The following AKT3 variants were observed in gnomAD, a reference collection of about 807,000 sequenced individuals.
The protein encoded by AKT3 is AKT serine/threonine kinase 3.
In AKT3, 15 loss-of-function variants were observed where a neutral mutation model predicts 65.3. The observed-to-expected ratio is 0.23, with a 90% CI of 0.15 to 0.35. The LOEUF (loss-of-function observed/expected upper bound fraction) is 0.35, where lower values mean the gene tolerates loss of function less well. Ranked by LOEUF, AKT3 falls within the 10% of genes least tolerant of loss-of-function variation. AKT3 has a pLI of 1.00. For missense variants in AKT3, 243 were observed against 576.5 expected (o/e 0.42, Z 5.92); for synonymous variants, 206 against 183.8 (o/e 1.12, Z -0.98).
chr1:243,697,025 G>A (rs1345436429), intron 2 of AKT3, among the ~76,000 whole-genome samples: 1 of 151,870 alleles, frequency 6.6e-6, no homozygotes, highest in Non-Finnish European at 1.5e-5. Context: ...CTCTGAATCA[G>A]CAATTCTTAA....
At chr1:243,515,203 A>G (rs1413145089) in intron 12 of AKT3, among the ~76,000 whole-genome samples, 1 of 152,248 alleles carries the variant, frequency 6.6e-6, no homozygotes, top group African/African-American at 2.4e-5. Context: ...CAATGAACAC[A>G]GGGCCTGCTC....
chr1:243,720,952 G>T (rs1008576721), intron 2 of AKT3, among the ~76,000 whole-genome samples: 7 of 152,056 alleles, frequency 4.6e-5, no homozygotes, highest in Non-Finnish European at 1.0e-4. Flanking sequence ...TGGCACTTCA[G>T]CACACAAAGT....
At chr1:243,828,264 G>A (rs1164457054) in intron 2 of AKT3, among the ~76,000 whole-genome samples, 1 of 152,062 alleles carries the variant, frequency 6.6e-6, no homozygotes. Flanking sequence ...CACACATTAT[G>A]AGCTTGGATT....
At chr1:243,525,431 TG>T (rs1339796329) in intron 12 of AKT3, among the ~76,000 whole-genome samples, 3 of 151,990 alleles carry the variant, frequency 2.0e-5, no homozygotes, top group African/African-American at 7.3e-5. Flanking sequence ...GATGCTCTGA[TG>T]ATCTCATGTT....
chr1:243,662,781 G>C (rs1682468357), intron 4 of AKT3, among the ~76,000 whole-genome samples: 1 of 152,050 alleles, frequency 6.6e-6, no homozygotes. Context: ...CCAGATTCTA[G>C]AGGTATATAG....
At chr1:243,767,182 T>C (rs1165300797) in intron 2 of AKT3, among the ~76,000 whole-genome samples, 1 of 152,024 alleles carries the variant, frequency 6.6e-6, no homozygotes, top group East Asian at 1.9e-4. Flanking sequence ...AAAGAAAGTA[T>C]GTCAGTAAAA....
At position 243,613,571 on chromosome 1, in the gene AKT3, A is replaced by G. The variant is rs112795937; in HGVS notation, c.696+100T>C. On this transcript the variant is annotated intron_variant, in intron 8 of 13. Transcript: ENST00000673466. ...TTAAGAGCTACATAAATTCCTATCAAGAAATGGAGAACTGCTATATTGTAA... is the reference window on the plus strand; with the variant it reads ...TTAAGAGCTACATAAATTCCTATCAGGAAATGGAGAACTGCTATATTGTAA... The G allele has an allele frequency of 3.5e-6, 3 of 857,514 alleles. No homozygotes were observed. In the African/African-American group the frequency reaches 5.2e-5, roughly 15 times the overall value. The allele number at this position is 857,514 out of a possible 1,614,324, so 53.1% of individuals were successfully genotyped here.
chr1:243,840,933 G>T (rs1013417523), intron 2 of AKT3, among the ~76,000 whole-genome samples: 1 of 151,872 alleles, frequency 6.6e-6, no homozygotes, highest in Admixed American at 6.6e-5. Context: ...TAAAAAACTG[G>T]CATAATGATG....
At chr1:243,497,193 GCTT>G (rs1214601981), downstream of AKT3, among the ~76,000 whole-genome samples, 1 of 152,188 alleles carries the variant, frequency 6.6e-6, no homozygotes, top group Admixed American at 6.5e-5. Context: ...AGTAACTAAG[GCTT>G]CTGTCTCGGT....
chr1:243,609,611 T>C (rs1055203527), intron 8 of AKT3, among the ~76,000 whole-genome samples: 9 of 152,168 alleles, frequency 5.9e-5, no homozygotes, highest in East Asian at 1.9e-4. Flanking sequence ...TGAGCCGAGA[T>C]TGTACCACTG....
In AKT3 at chr1:243,662,083, T is replaced by C. The variant is rs1426919460; in HGVS notation, c.284+2689A>G. ...AGGTGCTGGAGAGGATGTGGAGAAA[T>C]AGGAACACTTTTACACTGTTGGTGG... On this transcript the variant is annotated intron_variant, in intron 4 of 13. Coordinates refer to ENST00000673466, the MANE Select transcript of AKT3 (RefSeq NM_005465.7). 7.3e-5 allele frequency among the ~76,000 whole-genome samples: 11 copies of C among 150,216 alleles called. No individual in the cohort carries two copies. The South Asian group carries it at 1.1e-3, about 15-fold the overall frequency.
chr1:243,682,434 A>G (rs1683991934), intron 3 of AKT3, among the ~76,000 whole-genome samples: 1 of 152,216 alleles, frequency 6.6e-6, no homozygotes. Flanking sequence ...TTTATTTGTC[A>G]GTAAAATTAT....
rs538709302 is a variant in AKT3, at chr1:243,840,988, G to A, written c.46+2137C>T. On this transcript the variant is annotated intron_variant, in intron 2 of 13. Coordinates refer to ENST00000673466, the MANE Select transcript of AKT3 (RefSeq NM_005465.7). The stretch of plus-strand genomic sequence containing the variant: ...AAAAAGTTCTAAAATGATTATCTCT[G>A]ACAAAGGAGGTAGAAAAGATAGGGA... 3.9e-5 allele frequency among the ~76,000 whole-genome samples: 6 copies of A among 152,138 alleles called. No homozygotes were observed. In the East Asian group the frequency reaches 1.2e-3, roughly 29 times the overall value.
At chr1:243,676,297 C>T (rs2147958881) in intron 3 of AKT3, among the ~76,000 whole-genome samples, 1 of 152,204 alleles carries the variant, frequency 6.6e-6, no homozygotes, top group African/African-American at 2.4e-5. Flanking sequence ...TGGAGGGATT[C>T]CACAGATGGA....
At chr1:243,724,041 G>A (rs1282506538) in intron 2 of AKT3, among the ~76,000 whole-genome samples, 2 of 152,044 alleles carry the variant, frequency 1.3e-5, no homozygotes, top group African/African-American at 4.8e-5. Context: ...CTTATTTTCC[G>A]AGTCAGAAAC....
chr1:243,586,697 T>C (rs1402793818), intron 8 of AKT3, among the ~76,000 whole-genome samples: 2 of 151,862 alleles, frequency 1.3e-5, no homozygotes, highest in African/African-American at 4.8e-5. Flanking sequence ...GACATAAATA[T>C]GGTAACTATA....
rs1356817937 is a variant in AKT3, at chr1:243,502,916, G to GTGC, written c.*2330_*2332dup. The GTGC allele has an allele frequency of 2.1e-5, 5 of 233,204 alleles. No individual in the cohort carries two copies. The highest frequency in any genetic ancestry group is 3.4e-5 in the Non-Finnish European group (4 of 118,060). The allele number at this position is 233,204 out of a possible 1,614,324, so 14.4% of individuals were successfully genotyped here. Reference sequence around the variant, plus strand: ...AAAAACCAAAACAACAAAAAGCTGTGTGCTTAGTGTTCGGTGTCATGCTTT... The same window carrying GTGC: ...AAAAACCAAAACAACAAAAAGCTGTGTGCTGCTTAGTGTTCGGTGTCATGCTTT... On this transcript the variant is annotated 3_prime_UTR_variant, in exon 14 of 14. Transcript: ENST00000673466.
chr1:243,574,305 C>A (rs1163156037), intron 8 of AKT3, among the ~76,000 whole-genome samples: 1 of 151,552 alleles, frequency 6.6e-6, no homozygotes, highest in Non-Finnish European at 1.5e-5. Flanking sequence ...ATGCATGACC[C>A]ATTGGCATAG....
intron 2 of AKT3, among the ~76,000 whole-genome samples, chr1:243,763,677 A>G (rs1393016239): frequency 1.3e-5 from 2 of 152,124 alleles, no homozygotes; most frequent in Non-Finnish European, 2.9e-5. Flanking sequence ...TAAATTTGGG[A>G]TGTTTGTGTA....
Sources: allele counts gnomAD v4.1 joint callset (sites outside exome capture counted in the v4.1 genomes callset), GRCh38; gene constraint gnomAD v4.1.1; transcripts MANE v1.5; gene names NCBI Gene and HGNC (gene_info 2026-07-23, HGNC 2026-07-21).